Variants in PDE6C observed in about 807,000 individuals in gnomAD.
PDE6C encodes phosphodiesterase 6C, also known as cone cGMP-specific 3',5'-cyclic phosphodiesterase subunit alpha'.
Under a neutral mutation model 113.1 loss-of-function variants are expected in PDE6C, and 75 were observed. That is an observed-to-expected ratio of 0.66 (90% CI 0.55 to 0.80). PDE6C has a LOEUF of 0.80. Ranked by LOEUF, PDE6C falls within the 30% of genes least tolerant of loss-of-function variation. The pLI, the probability that PDE6C is intolerant of heterozygous loss-of-function variation, is 0.00. For missense variants in PDE6C, 912 were observed against 1,038.6 expected (o/e 0.88, Z 1.67); for synonymous variants, 375 against 363.7 (o/e 1.03, Z -0.35).
chr10:93,612,927 A>G lies in PDE6C; in HGVS notation c.202A>G (p.Thr68Ala). Residue 68 changes from threonine to alanine, a missense_variant, in exon 1 of 22, where the codon ACC becomes GCC. Transcript: ENST00000371447. The part of the protein sequence containing the change: ...ESALCLELLW[T>A]VQEEGGTPEQ... ...AGCCCTGTGCTTGGAGCTGCTGTGG[A>G]CCGTGCAGGAGGAGGGGGGCACCCC... is the stretch of plus-strand genomic sequence containing the variant. 1 of 1,613,898 alleles carries G rather than the reference A, an allele frequency of 6.2e-7. No homozygotes were observed.
chr10:93,634,565 C>T lies in PDE6C; in HGVS notation c.1120-193C>T, dbSNP rs572874109. Reference sequence around the variant, plus strand: ...TCGTACAATGTCTGTTTTCTGGTTTCGATATTGTACTATAGTTACACAAGA... The same window carrying T: ...TCGTACAATGTCTGTTTTCTGGTTTTGATATTGTACTATAGTTACACAAGA... On this transcript the variant is annotated intron_variant, in intron 8 of 21. Transcript: ENST00000371447. Among the ~76,000 whole-genome samples the T allele has an allele frequency of 1.7e-3, 261 of 152,214 alleles. 2 individuals carry two copies. In the South Asian group the frequency reaches 0.028, roughly 16 times the overall value.
chr10:93,616,768 C>T (rs1483826412), intron 1 of PDE6C, among the ~76,000 whole-genome samples: 1 of 151,784 alleles, frequency 6.6e-6, no homozygotes, highest in Non-Finnish European at 1.5e-5. Context: ...ATTCTCCTGC[C>T]TCAGCCTCCC....
chr10:93,644,881 ATATT>A (rs1158843163), intron 14 of PDE6C, among the ~76,000 whole-genome samples: 1 of 104,032 alleles, frequency 9.6e-6, no homozygotes, highest in East Asian at 3.1e-4. Flanking sequence ...CATATACAGT[ATATT>A]TATATAGTAT....
At chr10:93,646,153 AG>A in intron 15 of PDE6C, 106 bp downstream of exon 15, 1 of 724,166 alleles carries the variant, frequency 1.4e-6, no homozygotes, top group Non-Finnish European at 2.5e-6. Flanking sequence ...AGCAGTTGAT[AG>A]TGTATACCCT....
chr10:93,619,616 G>A (rs2058435772), intron 1 of PDE6C, among the ~76,000 whole-genome samples: 1 of 152,144 alleles, frequency 6.6e-6, no homozygotes, highest in Admixed American at 6.5e-5. Context: ...AGTAGAGACA[G>A]GGTTTCATCA....
At chr10:93,621,583 C>T (rs1483822537) in intron 3 of PDE6C, among the ~76,000 whole-genome samples, 4 of 152,144 alleles carry the variant, frequency 2.6e-5, no homozygotes, top group Non-Finnish European at 5.9e-5. Flanking sequence ...CTCTCCACAT[C>T]AGGGCCAGCA....
chr10:93,642,233 G>A (rs549503908), intron 14 of PDE6C, among the ~76,000 whole-genome samples: 12 of 151,994 alleles, frequency 7.9e-5, no homozygotes, highest in Non-Finnish European at 1.6e-4. Flanking sequence ...ACATTGTGGC[G>A]TGCACCTGCA....
At position 93,659,019 on chromosome 10, in the gene PDE6C, GA is replaced by G. The variant is rs1247668225; in HGVS notation, c.2144+14del. ...GAAAGAGATTATCATGTAGGTAGTT[GA>G]AATTGTATTTCTCTCTTGTTTTTTG... On this transcript the variant is annotated intron_variant, in intron 17 of 21. Transcript: ENST00000371447. 1 of 1,572,494 alleles carries G rather than the reference GA, an allele frequency of 6.4e-7. No homozygotes were observed. Among genetic ancestry groups the G allele is most frequent in the African/African-American group, 1.3e-5 (1 of 74,168 alleles).
intron 8 of PDE6C, among the ~76,000 whole-genome samples, chr10:93,631,405 T>C (rs1430564982): frequency 6.6e-6 from 1 of 152,194 alleles, no homozygotes; most frequent in African/African-American, 2.4e-5. Context: ...GCAGGCCTGC[T>C]CCTGGAAGAC....
chr10:93,659,304 AT>A, intron 18 of PDE6C, 137 bp downstream of exon 18: 1 of 673,458 alleles, frequency 1.5e-6, no homozygotes, highest in Non-Finnish European at 2.7e-6. Context: ...AGGCAATTTG[AT>A]TAGGCCCTAG....
intron 15 of PDE6C, among the ~76,000 whole-genome samples, chr10:93,646,607 G>A (rs772554847): frequency 2.0e-5 from 3 of 152,280 alleles, no homozygotes; most frequent in Middle Eastern, 3.4e-3. Flanking sequence ...CTACAATCAT[G>A]GTGGAAGCTG....
In PDE6C at chr10:93,626,984, C is replaced by T. The variant is rs536502833; in HGVS notation, c.1071+113C>T. On this transcript the variant is annotated intron_variant, in intron 7 of 21. Coordinates refer to ENST00000371447, the MANE Select transcript of PDE6C (RefSeq NM_006204.4). ...TGCATCCAATAAAAGCTAGATGGGC[C>T]GGGCGCGGTGGCTCATGCCTGTAAT... 182 of 933,860 alleles carry T rather than the reference C, an allele frequency of 1.9e-4. No homozygotes were observed. In the Middle Eastern group the frequency reaches 3.1e-3, roughly 16 times the overall value. 57.8% of individuals were successfully genotyped at this position (933,860 alleles called of 1,614,324 possible).
At chr10:93,629,924 T>C (rs4919339) in intron 8 of PDE6C, among the ~76,000 whole-genome samples, 55,864 of 151,982 alleles carry the variant, frequency 0.37, 10,505 homozygotes, top group East Asian at 0.47. Context: ...TACTGGTTTA[T>C]AGTCCAGGGA....
intron 11 of PDE6C, 93 bp from the exon 12 acceptor site, chr10:93,639,977 T>G: frequency 1.6e-6 from 2 of 1,264,100 alleles, no homozygotes; most frequent in Non-Finnish European, 2.3e-6. Context: ...TGTTCTTTTA[T>G]TGTAATTTTG....
chr10:93,624,367 T>C (rs1234321268), intron 4 of PDE6C, among the ~76,000 whole-genome samples: 1 of 152,052 alleles, frequency 6.6e-6, no homozygotes, highest in Non-Finnish European at 1.5e-5. Context: ...CATGCCTCAG[T>C]AGCTGGGATT....
chr10:93,638,509 G>A (rs955166930), intron 11 of PDE6C, among the ~76,000 whole-genome samples: 4 of 152,064 alleles, frequency 2.6e-5, no homozygotes, highest in Non-Finnish European at 5.9e-5. Context: ...ATTGACATCC[G>A]TGTCACCAGA....
chr10:93,640,198 A>G lies in PDE6C; in HGVS notation c.1611A>G (p.Lys537=). 6.2e-7 allele frequency: 1 copy of G among 1,613,456 alleles called. No homozygotes were observed. The highest frequency in any genetic ancestry group is 1.7e-5 in the Admixed American group (1 of 60,012). ...TTTTTGAAATAAATGTGGTGGAGAAATTCAAAGTACCTGTAGAGGTCAGAG... is the reference window on the plus strand; with the variant it reads ...TTTTTGAAATAAATGTGGTGGAGAAGTTCAAAGTACCTGTAGAGGTCAGAG... ...RLFFEINVVE[K]FKVPVEVLTR... The change falls in exon 12 of 22, where the codon AAA becomes AAG. Residue 537 remains lysine (K), a synonymous_variant. Transcript: ENST00000371447.
chr10:93,621,010 T>C (rs747221238), intron 3 of PDE6C, 30 bp downstream of exon 3: 5 of 1,574,336 alleles, frequency 3.2e-6, no homozygotes, highest in Non-Finnish European at 4.4e-6. Context: ...AGTCATTCCA[T>C]GCTGACCTAT....
intron 15 of PDE6C, among the ~76,000 whole-genome samples, chr10:93,648,685 C>A (rs73329328): frequency 0.029 from 4,426 of 152,146 alleles, 204 homozygotes; most frequent in African/African-American, 0.1. Flanking sequence ...TACTCTAAAC[C>A]AGACAGAAAT....
Sources: allele counts gnomAD v4.1 joint callset (sites outside exome capture counted in the v4.1 genomes callset), GRCh38; gene constraint gnomAD v4.1.1; transcripts MANE v1.5; gene names NCBI Gene and HGNC (gene_info 2026-07-23, HGNC 2026-07-21).